DPH7: variants seen among roughly 807,000 people sequenced by gnomAD.
DPH7 encodes diphthamide biosynthesis 7, also known as diphthine methyltransferase.
A neutral mutation model predicts 41.7 loss-of-function variants in DPH7; 44 were observed. The observed-to-expected ratio is 1.05, with a 90% CI of 0.83 to 1.36. The LOEUF is 1.36. DPH7 is among the 40% of genes most tolerant of loss of function. DPH7 has a pLI of 0.00. For synonymous variants in DPH7, 275 were observed against 238.0 expected (o/e 1.16, Z -1.43); for missense variants, 629 against 577.5 (o/e 1.09, Z -0.91).
rs373189839 is a variant in DPH7, at chr9:137,564,483, G to A, written c.900C>T (p.Ala300=). Residue 300 remains alanine, a synonymous_variant, in exon 8 of 9, where the codon GCC becomes GCT. Coordinates refer to ENST00000277540, the MANE Select transcript of DPH7 (RefSeq NM_138778.5). Reference sequence around the variant, plus strand: ...TCTTAAAGCCACTGTGCATGCAGGCGGCCAGGAGCAGGTGGTGGTGGAAAG... The same window carrying A: ...TCTTAAAGCCACTGTGCATGCAGGCAGCCAGGAGCAGGTGGTGGTGGAAAG... ...WHPFHHHLLL[A]ACMHSGFKIL... The A allele has an allele frequency of 2.5e-5, 40 of 1,613,938 alleles. No individual in the cohort carries two copies. Among genetic ancestry groups the A allele is most frequent in the Middle Eastern group, 1.6e-4 (1 of 6,066 alleles).
chr9:137,570,505 C>T (rs1840250803), intron 5 of DPH7, among the ~76,000 whole-genome samples: 1 of 152,200 alleles, frequency 6.6e-6, no homozygotes, highest in Non-Finnish European at 1.5e-5. Context: ...AGTCTCCAGG[C>T]TGTGTCCCTC....
chr9:137,557,293 G>A (rs1837681211), intron 8 of DPH7, among the ~76,000 whole-genome samples: 1 of 152,174 alleles, frequency 6.6e-6, no homozygotes, highest in South Asian at 2.1e-4. Context: ...GGATCACAAG[G>A]TCAAGAGATC....
chr9:137,577,733 C>G (rs1841670508), intron 1 of DPH7, 130 bp from the exon 2 acceptor site: 1 of 1,236,286 alleles, frequency 8.1e-7, no homozygotes, highest in African/African-American at 1.5e-5. Context: ...GGAAGGAGAA[C>G]CTCTGGTTTT....
intron 5 of DPH7, among the ~76,000 whole-genome samples, chr9:137,570,916 T>G (rs954921275): frequency 1.3e-5 from 2 of 152,184 alleles, no homozygotes; most frequent in Admixed American, 6.5e-5. Context: ...CCATGCAGTC[T>G]CCTTCCCTAT....
In DPH7 at chr9:137,560,886, G is replaced by C. The variant is rs546148385; in HGVS notation, c.949+3548C>G. The stretch of plus-strand genomic sequence containing the variant: ...AAAAAAAAAAAATTTGCCGGGCGTG[G>C]TGGTGGGCACCTGTAGTCCCAGCTA... On this transcript the variant is annotated intron_variant, in intron 8 of 8. Transcript: ENST00000277540. Among the ~76,000 whole-genome samples the C allele has an allele frequency of 5.7e-4, 86 of 151,148 alleles. No homozygotes were observed. The South Asian group carries it at 0.017, about 30-fold the overall frequency.
At position 137,555,222 on chromosome 9, in the gene DPH7, G is replaced by A; in HGVS notation, c.*17C>T. The A allele has an allele frequency of 1.3e-6, 2 of 1,571,672 alleles. No individual in the cohort carries two copies. Among genetic ancestry groups the A allele is most frequent in the Admixed American group, 1.8e-5 (1 of 56,158 alleles). On this transcript the variant is annotated 3_prime_UTR_variant, in exon 9 of 9. Coordinates refer to ENST00000277540, the MANE Select transcript of DPH7 (RefSeq NM_138778.5). Reference sequence around the variant, plus strand: ...CCTCCTGGTTTCCTTGTGGGAAGGGGCTTCATGATTTCAAGCTCAGTTCCC... The same window carrying A: ...CCTCCTGGTTTCCTTGTGGGAAGGGACTTCATGATTTCAAGCTCAGTTCCC...
chr9:137,578,678 C>G lies in DPH7; in HGVS notation c.100G>C (p.Gly34Arg). The G allele has an allele frequency of 1.3e-6, 2 of 1,528,336 alleles. No individual in the cohort carries two copies. The highest frequency in any genetic ancestry group is 1.8e-6 in the Non-Finnish European group (2 of 1,139,304). 94.7% of individuals were successfully genotyped at this position (1,528,336 alleles called of 1,614,324 possible). ...LQGCRHLLAC[G>R]TYQLRRPEDR... is the part of the protein sequence containing the mutation. The stretch of plus-strand genomic sequence containing the variant: ...TCCGGCCGCCGCAGCTGGTAGGTCC[C>G]GCACGCCAGCAGGTGCCTGCAGCCT... Residue 34 changes from glycine (G) to arginine (R), a missense_variant, in exon 1 of 9, where the codon GGG (glycine) becomes CGG (arginine). Coordinates refer to ENST00000277540, the MANE Select transcript of DPH7 (RefSeq NM_138778.5).
rs371186952 is a variant in DPH7 at position 137,555,529 on chromosome 9, G to T, written c.1069C>A (p.Pro357Thr). The change falls in exon 9 of 9, where the codon CCT becomes ACT. Residue 357 changes from proline to threonine, a missense_variant. Pro to Thr is a conservative substitution (Grantham distance 38). Transcript: ENST00000277540. ...SLQRAPSWSF[P>T]SNLGTKTADL... is the part of the protein sequence containing the mutation. ...GCCGTCTTGGTTCCTAGGTTGCTAGGAAAGGACCACGAGGGGGCCCGCTGC... is the reference window on the plus strand; with the variant it reads ...GCCGTCTTGGTTCCTAGGTTGCTAGTAAAGGACCACGAGGGGGCCCGCTGC... The T allele has an allele frequency of 2.5e-6, 4 of 1,614,064 alleles. No individual in the cohort carries two copies. The Admixed American group carries it at 6.7e-5, about 27-fold the overall frequency.
rs534577455 is a variant in DPH7 at position 137,555,853 on chromosome 9, G to A, written c.950-205C>T. 8.5e-5 allele frequency among the ~76,000 whole-genome samples: 13 copies of A among 152,344 alleles called. No homozygotes were observed. The South Asian group carries it at 2.5e-3, about 29-fold the overall frequency. The stretch of plus-strand genomic sequence containing the variant: ...CAGACCGTCATCTTGCAGTGCACAC[G>A]CCTGTGTGCCTCCAAGAGAAGCATC... On this transcript the variant is annotated intron_variant, in intron 8 of 8. Transcript: ENST00000277540.
At chr9:137,575,127 C>A in intron 3 of DPH7, 1 of 1,164,998 alleles carries the variant, frequency 8.6e-7, no homozygotes, top group Middle Eastern at 3.7e-4. Flanking sequence ...CCCTTGCCAT[C>A]CTTGCGCTCC....
At chr9:137,573,636 T>TCG (rs551239940) in intron 5 of DPH7, among the ~76,000 whole-genome samples, 3,119 of 130,402 alleles carry the variant, frequency 0.024, 58 homozygotes, top group Non-Finnish European at 0.032. Flanking sequence ...TGAGCTGAGA[T>TCG]TGCATCACTG....
chr9:137,575,230 T>A (rs771738398), intron 3 of DPH7: 61 of 1,002,450 alleles, frequency 6.1e-5, no homozygotes, highest in Non-Finnish European at 6.8e-5. Context: ...AACACTCGCC[T>A]CCCGAGACAG....
chr9:137,574,190 C>T lies in DPH7; in HGVS notation c.640+18G>A, dbSNP rs1313654723. 6.8e-6 allele frequency: 11 copies of T among 1,610,218 alleles called. No homozygotes were observed. Among genetic ancestry groups the T allele is most frequent in the African/African-American group, 1.3e-5 (1 of 74,890 alleles). On this transcript the variant is annotated intron_variant, in intron 5 of 8. Coordinates refer to ENST00000277540, the MANE Select transcript of DPH7 (RefSeq NM_138778.5). ...CAGCAAGCCTTCCATCAGAGGTGAC[C>T]GGTGGAGGAATACTGACCTGAATAC...
At chr9:137,576,481 T>C (rs1380620826) in intron 2 of DPH7, 1 of 304,174 alleles carries the variant, frequency 3.3e-6, no homozygotes, top group Non-Finnish European at 6.4e-6. Flanking sequence ...CTCACACTTG[T>C]AACCCCAACA....
intron 8 of DPH7, among the ~76,000 whole-genome samples, chr9:137,560,344 G>C (rs997995227): frequency 9.2e-5 from 14 of 152,276 alleles, no homozygotes; most frequent in African/African-American, 3.4e-4. Context: ...TGCGAGCTGA[G>C]ACTTAGGAAA....
At chr9:137,562,491 GAAAGT>G (rs1838801169) in intron 8 of DPH7, among the ~76,000 whole-genome samples, 1 of 152,150 alleles carries the variant, frequency 6.6e-6, no homozygotes, top group Non-Finnish European at 1.5e-5. Flanking sequence ...TGGGAAATTA[GAAAGT>G]ACCTTGAGAT....
rs1837621272 is a variant in DPH7 at position 137,556,985 on chromosome 9, C to G, written c.950-1337G>C. ...CCTCTTTTTATTTTCAAGACAGGAC[C>G]TCACTCTGTCGCATAGGCTGGAGTG... is the stretch of plus-strand genomic sequence containing the variant. On this transcript the variant is annotated intron_variant, in intron 8 of 8. Transcript: ENST00000277540. This position sits in a 1 kb window ranked among gnomAD's most constrained non-coding sequence, Gnocchi z 5.2. The G allele has an allele frequency of 9.0e-6, 4 of 443,604 alleles. No homozygotes were observed. Among genetic ancestry groups the G allele is most frequent in the Admixed American group, 4.9e-5 (2 of 41,182 alleles). The allele number at this position is 443,604 out of a possible 1,614,324, so 27.5% of individuals were successfully genotyped here. A position where few individuals can be genotyped will look rare whatever the true frequency, so the allele number is the denominator to read the frequency against.
At chr9:137,574,912 T>C (rs929071582) in intron 3 of DPH7, 69 bp from the exon 4 acceptor site, 22 of 1,598,162 alleles carry the variant, frequency 1.4e-5, no homozygotes, top group Middle Eastern at 1.7e-4. Flanking sequence ...ACTTTTCCTC[T>C]CCTGCAGGGA....
At chr9:137,568,718 G>A (rs1839867555) in intron 5 of DPH7, among the ~76,000 whole-genome samples, 1 of 152,156 alleles carries the variant, frequency 6.6e-6, no homozygotes. Flanking sequence ...AAGCAGGAGG[G>A]GAAAGACGGA....
Sources: gnomAD v4.1 joint callset for allele counts (sites outside exome capture counted in the v4.1 genomes callset) on GRCh38, gnomAD v4.1.1 for gene constraint, Gnocchi (gnomAD v3.1) non-coding constraint, MANE v1.5 for transcripts, NCBI Gene and HGNC (gene_info 2026-07-23, HGNC 2026-07-21) for gene names.